Variants in GLG1 observed in about 807,000 individuals in gnomAD.
The protein encoded by GLG1 is Golgi apparatus protein 1.
GLG1 carries 38 observed loss-of-function variants against 160.5 expected under a neutral mutation model. The ratio of observed to expected loss-of-function variants is 0.24; its 90% CI spans 0.18 to 0.31. The LOEUF (loss-of-function observed/expected upper bound fraction) is 0.31. GLG1 is among the 10% of genes least tolerant of loss of function. GLG1 has a pLI of 1.00. For synonymous variants in GLG1, 644 were observed against 543.4 expected (o/e 1.19, Z -2.57); for missense variants, 1,373 against 1,505.2 (o/e 0.91, Z 1.45).
At chr16:74,542,748 A>AGGAAG (rs1567513973) in intron 1 of GLG1, among the ~76,000 whole-genome samples, 13 of 23,280 alleles carry the variant, frequency 5.6e-4, no homozygotes, top group South Asian at 2.6e-3. Flanking sequence ...GAAGGAAGGA[A>AGGAAG]GGAAGGAAGG....
At chr16:74,600,113 T>C (rs569098430) in intron 1 of GLG1, among the ~76,000 whole-genome samples, 4 of 152,224 alleles carry the variant, frequency 2.6e-5, no homozygotes, top group Non-Finnish European at 5.9e-5. Context: ...GTGCTATTGG[T>C]AATATGCAAG....
chr16:74,574,749 T>C (rs1160380162), intron 1 of GLG1, among the ~76,000 whole-genome samples: 3 of 150,542 alleles, frequency 2.0e-5, no homozygotes, highest in African/African-American at 7.4e-5. Context: ...CTGAGCATGG[T>C]GGTGCACACC....
intron 1 of GLG1, among the ~76,000 whole-genome samples, chr16:74,595,770 G>T (rs978901882): frequency 1.3e-5 from 2 of 152,066 alleles, no homozygotes; most frequent in Admixed American, 1.3e-4. Flanking sequence ...AAGTAAAATT[G>T]ATTTTGTAAT....
chr16:74,592,308 G>T (rs1475699560), intron 1 of GLG1, among the ~76,000 whole-genome samples: 1 of 152,086 alleles, frequency 6.6e-6, no homozygotes, highest in Non-Finnish European at 1.5e-5. Context: ...ACACCTTGCT[G>T]ATTTTTGTAT....
chr16:74,494,582 T>G (rs2016119439), intron 6 of GLG1, among the ~76,000 whole-genome samples, 178 bp downstream of exon 6: 1 of 151,936 alleles, frequency 6.6e-6, no homozygotes, highest in South Asian at 2.1e-4. Flanking sequence ...AATTTTTGTA[T>G]TTTTAGTAGA....
At chr16:74,469,915 T>C in intron 16 of GLG1, 70 bp downstream of exon 16, 1 of 978,850 alleles carries the variant, frequency 1.0e-6, no homozygotes, top group Non-Finnish European at 1.7e-6. Flanking sequence ...CTGCCTAACA[T>C]CTCGCATACT....
At chr16:74,480,167 C>T in intron 11 of GLG1, 74 bp downstream of exon 11, 1 of 1,235,602 alleles carries the variant, frequency 8.1e-7, no homozygotes, top group Non-Finnish European at 1.2e-6. Flanking sequence ...TGACTGAAAT[C>T]AGAAGAATAT....
chr16:74,593,141 A>G (rs546161350), intron 1 of GLG1, among the ~76,000 whole-genome samples: 22 of 152,282 alleles, frequency 1.4e-4, no homozygotes, highest in Middle Eastern at 3.4e-3. Context: ...CTCCAGAACC[A>G]TGAGCCAAAT....
chr16:74,604,989 T>C (rs1434346731), intron 1 of GLG1, among the ~76,000 whole-genome samples: 1 of 152,106 alleles, frequency 6.6e-6, no homozygotes, highest in Non-Finnish European at 1.5e-5. Flanking sequence ...GAGGTTGCAG[T>C]GAGCCAAGTT....
At chr16:74,505,331 G>C (rs555222916) in intron 3 of GLG1, among the ~76,000 whole-genome samples, 2 of 152,338 alleles carry the variant, frequency 1.3e-5, no homozygotes, top group East Asian at 3.9e-4. Flanking sequence ...GTAAATAATA[G>C]TCTCACACTG....
At chr16:74,555,680 T>A (rs1211078461) in intron 1 of GLG1, among the ~76,000 whole-genome samples, 3 of 151,610 alleles carry the variant, frequency 2.0e-5, no homozygotes, top group Non-Finnish European at 2.9e-5. Context: ...CAGAGAGAGA[T>A]CCCTGTCTCT....
rs565130227 is a variant in GLG1, at chr16:74,535,138, C to T, written c.439-2985G>A. 4.6e-5 allele frequency among the ~76,000 whole-genome samples: 7 copies of T among 152,222 alleles called. No individual in the cohort carries two copies. In the East Asian group the frequency reaches 1.4e-3, roughly 29 times the overall value. ...ATAACCCATGGGAAAGAAAAACAAG[C>T]CTCGAGTTAAGCCCATGAAAGTTTG... On this transcript the variant is annotated intron_variant, in intron 1 of 25. Coordinates refer to ENST00000422840, the MANE Select transcript of GLG1 (RefSeq NM_001145667.2).
At chr16:74,466,682 A>C (rs1314276876) in intron 18 of GLG1, among the ~76,000 whole-genome samples, 1 of 152,240 alleles carries the variant, frequency 6.6e-6, no homozygotes, top group African/African-American at 2.4e-5. Context: ...ACAACAGTAA[A>C]TAAGAATCAA....
In GLG1 at chr16:74,453,265, G is replaced by C. The variant is rs755054201; in HGVS notation, c.3442C>G (p.Leu1148Val). Residue 1148 changes from leucine to valine, a missense_variant, in exon 26 of 26, where the codon CTC (leucine) becomes GTC (valine). By Grantham distance (32) the Leu-to-Val change is conservative. Transcript: ENST00000422840. ...CAGATGCTCCCACTGATCACAGAGA[G>C]AATGTAGTTCTTAGATGGAGACGTC... ...VMTSPSKNYI[L>V]SVISGSICIL... is the part of the protein sequence containing the mutation. 5 of 1,613,554 alleles carry C rather than the reference G, an allele frequency of 3.1e-6. No homozygotes were observed. The highest frequency in any genetic ancestry group is 2.2e-5 in the South Asian group (2 of 91,062).
rs755730855 is a variant in GLG1 at position 74,477,420 on chromosome 16, G to A, written c.1941C>T (p.Cys647=). 2 of 1,612,268 alleles carry A rather than the reference G, an allele frequency of 1.2e-6. No individual in the cohort carries two copies. The highest frequency in any genetic ancestry group is 3.3e-5 in the Admixed American group (2 of 60,008). Residue 647 remains cysteine, a synonymous_variant, in exon 12 of 26, where the codon TGC becomes TGT. Transcript: ENST00000422840. ...CCTGTCCAGTCTCTGTTTTCTCACT[G>A]CACCATTTTCCCAGATCAATCAGGC... is the stretch of plus-strand genomic sequence containing the variant. The part of the protein sequence containing the change: ...DKCLIDLGKW[C]SEKTETGQEL...
rs533070999 is a variant in GLG1 at position 74,470,798 on chromosome 16, T to G, written c.2229+375A>C. ...CTGTTGAGATGGAATCTTGCTCTGT[T>G]GCCCAGGCTGGAGCGCAGTGGCGAT... On this transcript the variant is annotated intron_variant, in intron 15 of 25. Transcript: ENST00000422840. Among the ~76,000 whole-genome samples, 11 of 151,314 alleles carry G rather than the reference T, an allele frequency of 7.3e-5. 1 individual carries two copies. The South Asian group carries it at 2.3e-3, about 32-fold the overall frequency.
chr16:74,504,312 G>A (rs2016519814), intron 3 of GLG1, among the ~76,000 whole-genome samples: 1 of 152,130 alleles, frequency 6.6e-6, no homozygotes, highest in Non-Finnish European at 1.5e-5. Context: ...TTTTGAGGCA[G>A]AGCCTTGCTC....
intron 9 of GLG1, 135 bp downstream of exon 9, chr16:74,485,661 T>C: frequency 2.8e-6 from 2 of 716,098 alleles, no homozygotes; most frequent in South Asian, 3.5e-5. Context: ...TTAATAAAAG[T>C]TGGTGTATGT....
chr16:74,508,637 C>T (rs1046360493), intron 3 of GLG1, among the ~76,000 whole-genome samples: 3 of 152,266 alleles, frequency 2.0e-5, no homozygotes, highest in South Asian at 2.1e-4. Context: ...CCAACTGCCT[C>T]AATCAATAGT....
Sources: gnomAD v4.1 joint callset for allele counts (sites outside exome capture counted in the v4.1 genomes callset) on GRCh38, gnomAD v4.1.1 for gene constraint, MANE v1.5 for transcripts, NCBI Gene and HGNC (gene_info 2026-07-23, HGNC 2026-07-21) for gene names.